Variants in IQSEC1 observed in about 807,000 individuals in gnomAD.
IQSEC1 encodes the protein IQ motif and SEC7 domain-containing protein 1.
Under a neutral mutation model 91.0 loss-of-function variants are expected in IQSEC1, and 31 were observed. That is an observed-to-expected ratio of 0.34 (90% confidence interval 0.26 to 0.46). The LOEUF (loss-of-function observed/expected upper bound fraction) is 0.46. Ranked by LOEUF, IQSEC1 falls within the 20% of genes least tolerant of loss-of-function variation. The pLI is 1.00. For missense variants in IQSEC1, 1,388 were observed against 1,575.6 expected, an observed-to-expected ratio of 0.88 and a Z score of 2.02; for synonymous variants, 699 against 662.6, an observed-to-expected ratio of 1.05 and a Z score of -0.84.
chr3:12,904,007 C>T (rs569301010), intron 12 of IQSEC1, among the ~76,000 whole-genome samples: 69 of 152,296 alleles, frequency 4.5e-4, no homozygotes, highest in Non-Finnish European at 7.8e-4. Flanking sequence ...GACCCTAGGC[C>T]GGGTTGGGCC....
chr3:13,280,889 G>A (rs1235150253), intron 1 of IQSEC1, among the ~76,000 whole-genome samples: 2 of 152,242 alleles, frequency 1.3e-5, no homozygotes, highest in Admixed American at 6.5e-5. Context: ...AAGCCAGGTG[G>A]ACACAGAACC....
intron 2 of IQSEC1, among the ~76,000 whole-genome samples, chr3:13,115,968 G>C (rs1241426656): frequency 6.6e-6 from 1 of 152,224 alleles, no homozygotes; most frequent in Non-Finnish European, 1.5e-5. Context: ...AGAATGCTAT[G>C]AAAGTTTAAC....
chr3:13,015,653 G>C, intron 1 of IQSEC1: 3 of 985,202 alleles, frequency 3.0e-6, no homozygotes, highest in Non-Finnish European at 3.6e-6. Context: ...CGGGGGATGA[G>C]CTGTGGGTCC....
chr3:12,982,151 TC>T (rs35254516), intron 1 of IQSEC1, among the ~76,000 whole-genome samples: 2 of 151,780 alleles, frequency 1.3e-5, no homozygotes, highest in South Asian at 2.1e-4. Flanking sequence ...TCTGCCAAAA[TC>T]CCCCCCATTC....
intron 2 of IQSEC1, among the ~76,000 whole-genome samples, chr3:13,141,697 C>A (rs544630773): frequency 1.3e-5 from 2 of 152,318 alleles, no homozygotes; most frequent in South Asian, 4.1e-4. Flanking sequence ...GGGACCCCTC[C>A]CCTCCTCGAC....
At chr3:12,988,502 A>G (rs1383451062) in intron 1 of IQSEC1, among the ~76,000 whole-genome samples, 1 of 152,256 alleles carries the variant, frequency 6.6e-6, no homozygotes, top group Admixed American at 6.5e-5. Flanking sequence ...TCGCAGATGC[A>G]ACTTTGAGCA....
intron 1 of IQSEC1, among the ~76,000 whole-genome samples, chr3:13,263,844 C>A (rs1262022240): frequency 6.6e-6 from 1 of 152,104 alleles, no homozygotes; most frequent in Non-Finnish European, 1.5e-5. Context: ...CCGGGCTGGG[C>A]GCACGCTTGC....
intron 2 of IQSEC1, among the ~76,000 whole-genome samples, chr3:13,110,798 C>G (rs575977620): frequency 1.3e-5 from 2 of 152,298 alleles, no homozygotes; most frequent in African/African-American, 4.8e-5. Context: ...CTCTGCACTT[C>G]CTGTCACGGG....
chr3:12,930,714 CTT>C (rs747913899), intron 3 of IQSEC1, among the ~76,000 whole-genome samples: 94 of 152,302 alleles, frequency 6.2e-4, no homozygotes, highest in Non-Finnish European at 1.2e-3. Context: ...AGTAAAGCCT[CTT>C]TGCTTAACCC....
intron 2 of IQSEC1, among the ~76,000 whole-genome samples, chr3:13,093,828 G>C (rs887094895): frequency 1.3e-5 from 2 of 152,152 alleles, no homozygotes; most frequent in African/African-American, 4.8e-5. Context: ...CCCCCTGTCC[G>C]TTCTCAGCAC....
intron 1 of IQSEC1, among the ~76,000 whole-genome samples, chr3:13,072,400 T>C (rs1389072303): frequency 6.6e-6 from 1 of 152,190 alleles, no homozygotes; most frequent in African/African-American, 2.4e-5. Context: ...GCCCGTGATG[T>C]CACCGCCCCG....
chr3:13,198,874 C>A (rs1177093001), intron 1 of IQSEC1, among the ~76,000 whole-genome samples: 2 of 152,238 alleles, frequency 1.3e-5, no homozygotes, highest in East Asian at 3.8e-4. Flanking sequence ...GAATCCCACA[C>A]TTTCTGTTCC....
chr3:13,150,565 TG>T (rs1392070782), intron 2 of IQSEC1, among the ~76,000 whole-genome samples: 2 of 152,082 alleles, frequency 1.3e-5, no homozygotes, highest in Non-Finnish European at 2.9e-5. Context: ...AGCGCCTGCA[TG>T]GGGAAGAGTC....
intron 1 of IQSEC1, among the ~76,000 whole-genome samples, chr3:12,963,646 CAG>C (rs1700377147): frequency 6.6e-6 from 1 of 152,202 alleles, no homozygotes; most frequent in African/African-American, 2.4e-5. Context: ...AATCAAGACT[CAG>C]AGATGGAAGG....
chr3:13,156,076 A>AT (rs1305084746), intron 2 of IQSEC1, among the ~76,000 whole-genome samples: 1 of 151,272 alleles, frequency 6.6e-6, no homozygotes, highest in Non-Finnish European at 1.5e-5. Context: ...AAAAAAAAAA[A>AT]AAAAAAGTAG....
chr3:13,000,329 A>G (rs190377102), intron 1 of IQSEC1, among the ~76,000 whole-genome samples: 3 of 152,338 alleles, frequency 2.0e-5, no homozygotes, highest in East Asian at 3.9e-4. Flanking sequence ...GTCTCTTTGT[A>G]TATTAGCTGA....
chr3:13,136,737 G>A (rs575114795), intron 2 of IQSEC1, among the ~76,000 whole-genome samples: 17 of 152,196 alleles, frequency 1.1e-4, no homozygotes, highest in Non-Finnish European at 2.4e-4. Flanking sequence ...CCCACCAGAC[G>A]GACAAAAATG....
chr3:13,250,749 G>A (rs1226768133), intron 1 of IQSEC1, among the ~76,000 whole-genome samples: 2 of 151,686 alleles, frequency 1.3e-5, no homozygotes, highest in East Asian at 1.9e-4. Flanking sequence ...TTGCAGGCAT[G>A]AGCCACCGCA....
chr3:13,136,858 C>T (rs530933190), intron 2 of IQSEC1, among the ~76,000 whole-genome samples: 3 of 152,226 alleles, frequency 2.0e-5, no homozygotes, highest in Middle Eastern at 3.4e-3. Flanking sequence ...ATTCTGGGGC[C>T]GGGTGCGGTG....
Sources: allele counts gnomAD v4.1 joint callset (sites outside exome capture counted in the v4.1 genomes callset), GRCh38; gene constraint gnomAD v4.1.1; transcripts MANE v1.5; gene names NCBI Gene and HGNC (gene_info 2026-07-23, HGNC 2026-07-21).